The following RCBTB1 variants were observed in gnomAD, a reference collection of about 807,000 sequenced individuals.
RCBTB1 encodes RCC1 and BTB domain containing protein 1, also known as RCC1 and BTB domain-containing protein 1.
RCBTB1 carries 46 observed loss-of-function variants against 62.4 expected under a neutral mutation model. The ratio of observed to expected loss-of-function variants is 0.74; its 90% CI spans 0.58 to 0.94. The LOEUF is 0.94. Ranked by LOEUF, RCBTB1 falls within the 40% of genes least tolerant of loss-of-function variation. The pLI is 0.00. For missense variants in RCBTB1, 565 were observed against 654.9 expected, an observed-to-expected ratio of 0.86 and a Z score of 1.50; for synonymous variants, 222 against 245.8, an observed-to-expected ratio of 0.90 and a Z score of 0.91.
chr13:49,549,821 T>C, intron 8 of RCBTB1, 173 bp from the exon 9 acceptor site: 1 of 985,386 alleles, frequency 1.0e-6, no homozygotes, highest in Non-Finnish European at 1.2e-6. Flanking sequence ...GCAAGAGCAC[T>C]GTTCTCCTTT....
At chr13:49,545,765 G>A (rs999167680) in intron 9 of RCBTB1, among the ~76,000 whole-genome samples, 2 of 152,182 alleles carry the variant, frequency 1.3e-5, no homozygotes, top group Admixed American at 6.5e-5. Flanking sequence ...AATAATCAGT[G>A]TCTTAATCAA....
rs1471636502 is a variant in RCBTB1 at position 49,552,266 on chromosome 13, T to C, written c.623A>G (p.Asn208Ser). The C allele has an allele frequency of 1.9e-6, 3 of 1,602,080 alleles. No individual in the cohort carries two copies. Among genetic ancestry groups the C allele is most frequent in the Non-Finnish European group, 2.6e-6 (3 of 1,173,560 alleles). ...DNGEVYGWGY[N>S]GNGQLGLGNN... ...TCCCAGGCCCAGCTGACCGTTGCCA[T>C]TGTAACCCCAGCCATATACCTTAGA... The change falls in exon 7 of 13, where the codon AAT (asparagine) becomes AGT (serine). Residue 208 changes from asparagine to serine, a missense_variant. Physicochemically the swap from Asn to Ser is conservative, Grantham distance 46 (BLOSUM62 1). Transcript: ENST00000378302.
chr13:49,565,560 A>G (rs1284883388), intron 4 of RCBTB1, among the ~76,000 whole-genome samples: 74 of 99,290 alleles, frequency 7.5e-4, no homozygotes, highest in African/African-American at 1.8e-3. Flanking sequence ...CACCCCATCT[A>G]GGAAGTGAGG....
chr13:49,554,735 T>C (rs1961700353), intron 6 of RCBTB1, among the ~76,000 whole-genome samples: 1 of 152,184 alleles, frequency 6.6e-6, no homozygotes, highest in Admixed American at 6.5e-5. Flanking sequence ...AACTCATGCT[T>C]GATGATCTGA....
chr13:49,540,780 G>A, intron 12 of RCBTB1, 96 bp downstream of exon 12: 1 of 1,325,884 alleles, frequency 7.5e-7, no homozygotes, highest in Non-Finnish European at 1.0e-6. Context: ...CAGAAGTGGA[G>A]TGACTCATCG....
intron 12 of RCBTB1, chr13:49,539,640 C>T (rs1451943710): frequency 1.3e-5 from 2 of 152,102 alleles, no homozygotes; most frequent in East Asian, 1.9e-4. Context: ...AAAATTATAT[C>T]ACCGGGTGGA....
intron 6 of RCBTB1, 103 bp downstream of exon 6, chr13:49,555,412 A>C (rs1961762321): frequency 3.9e-6 from 4 of 1,018,468 alleles, no homozygotes; most frequent in Non-Finnish European, 6.0e-6. Flanking sequence ...CTACCAAAAC[A>C]AAGCACTCTT....
chr13:49,557,980 CA>C (rs1962079228), intron 5 of RCBTB1, among the ~76,000 whole-genome samples: 1 of 152,146 alleles, frequency 6.6e-6, no homozygotes, highest in Admixed American at 6.5e-5. Context: ...CATCCATGAA[CA>C]GATGAATAGA....
chr13:49,538,436 C>T (rs1414641155), intron 12 of RCBTB1, among the ~76,000 whole-genome samples: 1 of 152,152 alleles, frequency 6.6e-6, no homozygotes. Context: ...AGAGGCCTGG[C>T]GCAGTGGCTC....
chr13:49,566,540 T>C, intron 4 of RCBTB1, 78 bp downstream of exon 4: 1 of 1,350,178 alleles, frequency 7.4e-7, no homozygotes, highest in Non-Finnish European at 1.0e-6. Context: ...TTATCTGGTA[T>C]AGCCCTATCT....
intron 1 of RCBTB1, among the ~76,000 whole-genome samples, chr13:49,584,054 C>G (rs958482173): frequency 6.6e-6 from 1 of 152,106 alleles, no homozygotes; most frequent in African/African-American, 2.4e-5. Context: ...ACAATGACTC[C>G]CAGGAAAAGG....
At chr13:49,539,638 A>G (rs1960202380) in intron 12 of RCBTB1, 1 of 152,156 alleles carries the variant, frequency 6.6e-6, no homozygotes, top group African/African-American at 2.4e-5. Flanking sequence ...TTAAAATTAT[A>G]TCACCGGGTG....
chr13:49,534,035 C>A lies in RCBTB1; in HGVS notation c.*87G>T, dbSNP rs916856377. The A allele has an allele frequency of 7.2e-6, 10 of 1,387,242 alleles. No individual in the cohort carries two copies. The African/African-American group carries it at 1.2e-4, about 16-fold the overall frequency. The allele number at this position is 1,387,242 out of a possible 1,614,324, so 85.9% of individuals were successfully genotyped here. On this transcript the variant is annotated 3_prime_UTR_variant, in exon 13 of 13. Coordinates refer to ENST00000378302, the MANE Select transcript of RCBTB1 (RefSeq NM_018191.4). Reference sequence around the variant, plus strand: ...AAACAACCTGATGGTCTTTTACCTGCAGAATCACATCACCCGTAGAGCACA... The same window carrying A: ...AAACAACCTGATGGTCTTTTACCTGAAGAATCACATCACCCGTAGAGCACA...
At chr13:49,548,839 T>G (rs1961054130) in intron 9 of RCBTB1, among the ~76,000 whole-genome samples, 1 of 149,284 alleles carries the variant, frequency 6.7e-6, no homozygotes, top group Non-Finnish European at 1.5e-5. Flanking sequence ...AAGGGCTTTC[T>G]TCTGGGGTGA....
At chr13:49,551,150 GAA>G in intron 8 of RCBTB1, 174 bp downstream of exon 8, 1 of 575,270 alleles carries the variant, frequency 1.7e-6, no homozygotes, top group Non-Finnish European at 2.9e-6. Flanking sequence ...GGGGAAGGGG[GAA>G]GCAGGGAGGG....
intron 2 of RCBTB1, among the ~76,000 whole-genome samples, chr13:49,571,854 T>C (rs2137348521): frequency 6.6e-6 from 1 of 152,298 alleles, no homozygotes. Flanking sequence ...GTGGCACCTT[T>C]TACTACTGTT....
chr13:49,536,147 G>A (rs1174675007), intron 12 of RCBTB1, among the ~76,000 whole-genome samples: 2 of 152,016 alleles, frequency 1.3e-5, no homozygotes, highest in East Asian at 1.9e-4. Flanking sequence ...CCTCCAATTA[G>A]TTTGAACTAC....
chr13:49,538,772 C>CACATAT (rs1555281514), intron 12 of RCBTB1, among the ~76,000 whole-genome samples: 1 of 150,762 alleles, frequency 6.6e-6, no homozygotes, highest in Non-Finnish European at 1.5e-5. Context: ...CACACACACA[C>CACATAT]ATATATATAT....
At position 49,567,305 on chromosome 13, in the gene RCBTB1, A is replaced by C. The variant is rs767774906; in HGVS notation, c.-26T>G. 1 of 1,611,550 alleles carries C rather than the reference A, an allele frequency of 6.2e-7. No homozygotes were observed. Among genetic ancestry groups the C allele is most frequent in the Non-Finnish European group, 8.5e-7 (1 of 1,178,316 alleles). On this transcript the variant is annotated 5_prime_UTR_variant, in exon 3 of 13. The change creates a premature stop within an existing upstream ORF in the 5' untranslated region. Coordinates refer to ENST00000378302, the MANE Select transcript of RCBTB1 (RefSeq NM_018191.4). ...GACTCTGGCTTCAAGCAATTCCTATAAATAAGCCGACATCTCTGCTGGAAC... is the reference window on the plus strand; with the variant it reads ...GACTCTGGCTTCAAGCAATTCCTATCAATAAGCCGACATCTCTGCTGGAAC...
Sources: allele counts gnomAD v4.1 joint callset (sites outside exome capture counted in the v4.1 genomes callset), GRCh38; gene constraint gnomAD v4.1.1; transcripts MANE v1.5; gene names NCBI Gene and HGNC (gene_info 2026-07-23, HGNC 2026-07-21).